ADGRG7: variants seen among roughly 807,000 people sequenced by gnomAD.
ADGRG7 encodes adhesion G protein-coupled receptor G7, also known as G-protein coupled receptor 128.
Under a neutral mutation model 88.6 loss-of-function variants are expected in ADGRG7, and 82 were observed. The ratio of observed to expected loss-of-function variants is 0.93; its 90% CI spans 0.77 to 1.11. The LOEUF (loss-of-function observed/expected upper bound fraction) is 1.11. Ranked by LOEUF, ADGRG7 falls within the 50% of genes most tolerant of loss-of-function variation. The pLI is 0.00. For synonymous variants in ADGRG7, 381 were observed against 345.2 expected, an observed-to-expected ratio of 1.10 and a Z score of -1.15; for missense variants, 945 against 953.4, an observed-to-expected ratio of 0.99 and a Z score of 0.12.
chr3:100,610,658 G>C (rs2149009128), intron 1 of ADGRG7, among the ~76,000 whole-genome samples: 1 of 152,336 alleles, frequency 6.6e-6, no homozygotes, highest in South Asian at 2.1e-4. Flanking sequence ...CTGGAACTCA[G>C]AACGCGAAAT....
At position 100,695,140 on chromosome 3, in the gene ADGRG7, G is replaced by A; in HGVS notation, c.*139G>A. 1 of 834,872 alleles carries A rather than the reference G, an allele frequency of 1.2e-6. No individual in the cohort carries two copies. Among genetic ancestry groups the A allele is most frequent in the Non-Finnish European group, 1.8e-6 (1 of 544,492 alleles). The allele number at this position is 834,872 out of a possible 1,614,324, so 51.7% of individuals were successfully genotyped here. On this transcript the variant is annotated 3_prime_UTR_variant, in exon 16 of 16. Coordinates refer to ENST00000273352, the MANE Select transcript of ADGRG7 (RefSeq NM_032787.3). The stretch of plus-strand genomic sequence containing the variant: ...GATTAAGAATTAGATAAAACCTGTT[G>A]TTTATTATTATTCGGCATAATGGAC...
At chr3:100,676,865 C>T (rs980034433) in intron 15 of ADGRG7, among the ~76,000 whole-genome samples, 23 of 151,502 alleles carry the variant, frequency 1.5e-4, no homozygotes, top group Non-Finnish European at 3.4e-4. Context: ...GACCTTTTTC[C>T]TTTCTTTTTA....
At chr3:100,646,240 C>T in intron 9 of ADGRG7, 132 bp downstream of exon 9, 1 of 716,386 alleles carries the variant, frequency 1.4e-6, no homozygotes, top group Non-Finnish European at 2.3e-6. Flanking sequence ...TTTCCATGAA[C>T]AGAAATAATA....
chr3:100,684,392 T>C (rs2094978782), intron 15 of ADGRG7, among the ~76,000 whole-genome samples: 1 of 151,928 alleles, frequency 6.6e-6, no homozygotes, highest in Non-Finnish European at 1.5e-5. Flanking sequence ...ACCTCCCAAG[T>C]AACTGGGACT....
At chr3:100,635,968 A>G in intron 5 of ADGRG7, 142 bp downstream of exon 5, 1 of 598,760 alleles carries the variant, frequency 1.7e-6, no homozygotes. Flanking sequence ...GGCATTTTGC[A>G]TAGCACTCCT....
chr3:100,629,802 A>G (rs916656639), intron 2 of ADGRG7, 91 bp downstream of exon 2: 2 of 798,746 alleles, frequency 2.5e-6, no homozygotes, highest in Non-Finnish European at 2.1e-6. Flanking sequence ...GCTTCAGTTA[A>G]TGGTTACAGA....
At chr3:100,678,153 A>G (rs1559690103) in intron 15 of ADGRG7, among the ~76,000 whole-genome samples, 1 of 151,930 alleles carries the variant, frequency 6.6e-6, no homozygotes, top group African/African-American at 2.4e-5. Context: ...GTATTTTCAA[A>G]TAGCCTGTCT....
At chr3:100,667,799 TAA>T (rs1201960878) in intron 14 of ADGRG7, among the ~76,000 whole-genome samples, 2 of 151,508 alleles carry the variant, frequency 1.3e-5, no homozygotes, top group Non-Finnish European at 2.9e-5. Flanking sequence ...ACCAACAGTG[TAA>T]AAGTGTTTCA....
rs143024416 is a variant in ADGRG7, at chr3:100,652,372, A to G, written c.1380-2463A>G. Among the ~76,000 whole-genome samples, 528 of 152,318 alleles carry G rather than the reference A, an allele frequency of 3.5e-3. 5 individuals carry two copies. The highest frequency in any genetic ancestry group is 5.1e-3 in the Non-Finnish European group (349 of 68,028). On this transcript the variant is annotated intron_variant, in intron 11 of 15. Transcript: ENST00000273352. ...GGCAAATAGACTTCATCAAATTATGAGTTATTAAGAATAGAGAGGCATTTG... is the reference window on the plus strand; with the variant it reads ...GGCAAATAGACTTCATCAAATTATGGGTTATTAAGAATAGAGAGGCATTTG...
rs182937951 is a variant in ADGRG7, at chr3:100,648,251, G to T, written c.1267-1444G>T. ...AGTATCTGACTGTCTCAATGTCTAC[G>T]TACCTACATTTGTAATTAGTTTTGG... is the stretch of plus-strand genomic sequence containing the variant. On this transcript the variant is annotated intron_variant, in intron 10 of 15. Transcript: ENST00000273352. Among the ~76,000 whole-genome samples the T allele has an allele frequency of 3.4e-3, 519 of 152,024 alleles. 4 individuals are homozygous for T. The highest frequency in any genetic ancestry group is 0.012 in the African/African-American group (504 of 41,472).
chr3:100,672,916 C>T (rs1445795091), intron 15 of ADGRG7, among the ~76,000 whole-genome samples: 3 of 152,244 alleles, frequency 2.0e-5, no homozygotes, highest in African/African-American at 7.2e-5. Flanking sequence ...CCAAGTTGAT[C>T]ATGATGGATA....
At chr3:100,620,896 A>G (rs1707302098) in intron 1 of ADGRG7, among the ~76,000 whole-genome samples, 1 of 151,116 alleles carries the variant, frequency 6.6e-6, no homozygotes, top group African/African-American at 2.4e-5. Context: ...TGTTGGTCCC[A>G]TTTTTCCAAT....
At chr3:100,613,696 G>T (rs927260591) in intron 1 of ADGRG7, among the ~76,000 whole-genome samples, 1 of 152,126 alleles carries the variant, frequency 6.6e-6, no homozygotes, top group African/African-American at 2.4e-5. Flanking sequence ...TTGAACTAAG[G>T]GGCTAGAATC....
chr3:100,654,494 C>A (rs1293633590), intron 11 of ADGRG7: 1 of 189,628 alleles, frequency 5.3e-6, no homozygotes, highest in East Asian at 1.5e-4. Flanking sequence ...AAGGTACAGG[C>A]CAGGTTACTG....
At chr3:100,668,523 A>G (rs2094954428) in intron 14 of ADGRG7, among the ~76,000 whole-genome samples, 1 of 152,180 alleles carries the variant, frequency 6.6e-6, no homozygotes, top group Non-Finnish European at 1.5e-5. Flanking sequence ...GACTTTCCAC[A>G]AGAGGAAGAA....
At chr3:100,632,015 A>G (rs1275435778) in intron 3 of ADGRG7, among the ~76,000 whole-genome samples, 1 of 152,124 alleles carries the variant, frequency 6.6e-6, no homozygotes, top group Non-Finnish European at 1.5e-5. Context: ...TATATATACT[A>G]TATATACCAT....
At chr3:100,637,443 G>T (rs2149020917) in intron 6 of ADGRG7, 41 bp downstream of exon 6, 2 of 1,360,358 alleles carry the variant, frequency 1.5e-6, no homozygotes, top group Non-Finnish European at 1.1e-6. Flanking sequence ...TTGACTAAGG[G>T]CTGTTTACTT....
intron 13 of ADGRG7, 64 bp from the exon 14 acceptor site, chr3:100,659,624 A>C (rs1045563460): frequency 9.2e-6 from 13 of 1,417,030 alleles, no homozygotes; most frequent in Non-Finnish European, 8.7e-6. Flanking sequence ...TAGTGTTAAT[A>C]GCACAAAGAC....
intron 15 of ADGRG7, among the ~76,000 whole-genome samples, chr3:100,670,389 A>C (rs1027833865): frequency 6.6e-6 from 1 of 152,150 alleles, no homozygotes; most frequent in Non-Finnish European, 1.5e-5. Flanking sequence ...TATGTACTGC[A>C]TTATCTTTAT....
Sources: allele counts gnomAD v4.1 joint callset (sites outside exome capture counted in the v4.1 genomes callset), GRCh38; gene constraint gnomAD v4.1.1; transcripts MANE v1.5; gene names NCBI Gene and HGNC (gene_info 2026-07-23, HGNC 2026-07-21).